The following ZNF423 variants were observed in gnomAD, a reference collection of about 807,000 sequenced individuals.
ZNF423 encodes the protein zinc finger protein 423.
A neutral mutation model predicts 95.8 loss-of-function variants in ZNF423; 12 were observed. The observed-to-expected ratio is 0.13, with a 90% CI of 0.08 to 0.20. ZNF423 has a LOEUF of 0.20. Ranked by LOEUF, ZNF423 falls within the 10% of genes least tolerant of loss-of-function variation. ZNF423 has a pLI of 1.00. For missense variants in ZNF423, 1,316 were observed against 1,737.1 expected (o/e 0.76, Z 4.31); for synonymous variants, 749 against 711.9 (o/e 1.05, Z -0.83).
chr16:49,537,955 A>G (rs1176910993), intron 5 of ZNF423, among the ~76,000 whole-genome samples: 2 of 152,028 alleles, frequency 1.3e-5, no homozygotes, highest in African/African-American at 4.8e-5. Flanking sequence ...GGCGGCTTAG[A>G]CCCCATTGCC....
intron 3 of ZNF423, among the ~76,000 whole-genome samples, chr16:49,728,832 A>G (rs2033092229): frequency 6.6e-6 from 1 of 152,178 alleles, no homozygotes; most frequent in African/African-American, 2.4e-5. Flanking sequence ...TCCCGGGTTC[A>G]AGCGATTCTT....
At chr16:49,771,493 C>T (rs551547986) in intron 2 of ZNF423, among the ~76,000 whole-genome samples, 189 of 152,290 alleles carry the variant, frequency 1.2e-3, no homozygotes, top group African/African-American at 4.5e-3. Flanking sequence ...GCATGAGCCA[C>T]CAAGTACAGC....
At position 49,492,340 on chromosome 16, in the gene ZNF423, C is replaced by G. The variant is rs951762124; in HGVS notation, c.3850-1036G>C. On this transcript the variant is annotated intron_variant, in intron 7 of 7. Coordinates refer to ENST00000563137, the MANE Select transcript of ZNF423 (RefSeq NM_001379286.1). This position sits in a 1 kb window ranked among gnomAD's most constrained non-coding sequence, Gnocchi z 4.2. Reference sequence around the variant, plus strand: ...CCCCGGGAGAGGCTCCTTCTGGGCGCCCCCCAGGGCCCGGCGACTCCTGCA... The same window carrying G: ...CCCCGGGAGAGGCTCCTTCTGGGCGGCCCCCAGGGCCCGGCGACTCCTGCA... Among the ~76,000 whole-genome samples the G allele has an allele frequency of 6.6e-6, 1 of 152,294 alleles. No individual in the cohort carries two copies. The highest frequency in any genetic ancestry group is 1.9e-4 in the East Asian group (1 of 5,164).
At chr16:49,742,946 G>T (rs1387126119) in intron 2 of ZNF423, among the ~76,000 whole-genome samples, 7 of 152,140 alleles carry the variant, frequency 4.6e-5, no homozygotes, top group African/African-American at 1.7e-4. Flanking sequence ...GAGCCCAGGG[G>T]CCAGGCATCA....
At chr16:49,684,926 T>G (rs190987564) in intron 3 of ZNF423, among the ~76,000 whole-genome samples, 1 of 152,284 alleles carries the variant, frequency 6.6e-6, no homozygotes, top group African/African-American at 2.4e-5. Context: ...CCACGCAATC[T>G]AGACAGCGGG....
rs1972782858 is a variant in ZNF423, at chr16:49,637,627, T to G, written c.1549A>C (p.Asn517His). 1 of 1,613,864 alleles carries G rather than the reference T, an allele frequency of 6.2e-7. No homozygotes were observed. The highest frequency in any genetic ancestry group is 1.7e-5 in the Admixed American group (1 of 60,004). Residue 517 changes from asparagine (N) to histidine (H), a missense_variant, in exon 4 of 8, where the codon AAC (asparagine) becomes CAC (histidine). Around this residue, in one of 6 missense-constraint regions of ZNF423, gnomAD observed 399 missense variants for 478.5 expected, o/e 0.83. Transcript: ENST00000563137. This position sits in a 1 kb window ranked among gnomAD's most constrained non-coding sequence, Gnocchi z 5.6. ...AAAGCATTATTACCGTCAGAGGGGTTGGCGTTGGGGCCGCAGTGGGAGACG... is the reference window on the plus strand; with the variant it reads ...AAAGCATTATTACCGTCAGAGGGGTGGGCGTTGGGGCCGCAGTGGGAGACG... ...IRVSHCGPNA[N>H]PSDGNNAFFC...
At chr16:49,646,734 C>T (rs11076492) in intron 3 of ZNF423, among the ~76,000 whole-genome samples, 78,858 of 151,616 alleles carry the variant, frequency 0.52, 21,387 homozygotes, top group South Asian at 0.67. Context: ...CCACCACACC[C>T]GGCTAATATT....
intron 1 of ZNF423, among the ~76,000 whole-genome samples, chr16:49,814,029 T>C (rs190952588): frequency 6.6e-6 from 1 of 152,208 alleles, no homozygotes; most frequent in Non-Finnish European, 1.5e-5. Flanking sequence ...CTCCCACTTT[T>C]TACTCCTGGA....
intron 7 of ZNF423, chr16:49,518,372 C>A: frequency 2.3e-6 from 1 of 433,524 alleles, no homozygotes; most frequent in South Asian, 1.7e-5. Context: ...ATAAAAATGA[C>A]AACGGGAACC....
chr16:49,562,107 T>G (rs1970035188), intron 5 of ZNF423, among the ~76,000 whole-genome samples: 1 of 152,194 alleles, frequency 6.6e-6, no homozygotes, highest in Admixed American at 6.5e-5. Flanking sequence ...TCACAAAAGG[T>G]AACATCCCTA....
intron 5 of ZNF423, among the ~76,000 whole-genome samples, chr16:49,585,408 C>A (rs915648394): frequency 1.1e-4 from 17 of 152,176 alleles, no homozygotes; most frequent in African/African-American, 3.9e-4. Flanking sequence ...GACCCCCCAC[C>A]CCCACACCCA....
chr16:49,794,151 T>C (rs1272608742), intron 1 of ZNF423, among the ~76,000 whole-genome samples: 1 of 151,992 alleles, frequency 6.6e-6, no homozygotes, highest in Non-Finnish European at 1.5e-5. Context: ...TTCTCCTGCC[T>C]CAGCCTCCCG....
chr16:49,648,406 C>T (rs1344296267), intron 3 of ZNF423, among the ~76,000 whole-genome samples: 1 of 151,056 alleles, frequency 6.6e-6, no homozygotes, highest in Non-Finnish European at 1.5e-5. Flanking sequence ...CTTTGGGAGG[C>T]TGAGGCAGGC....
Position 49,491,269 on chromosome 16 carries a change from G to A in ZNF423, c.*6C>T, listed in dbSNP as rs1311856147. 5.6e-6 allele frequency: 9 copies of A among 1,614,100 alleles called. No homozygotes were observed. The highest frequency in any genetic ancestry group is 1.3e-5 in the African/African-American group (1 of 75,060). On this transcript the variant is annotated 3_prime_UTR_variant, in exon 8 of 8. Coordinates refer to ENST00000563137, the MANE Select transcript of ZNF423 (RefSeq NM_001379286.1). Reference sequence around the variant, plus strand: ...TCTGCGGAGAGGTGTCCTGTTGAGCGATCCCTCACTGTGCGTGCTGGCTCA... The same window carrying A: ...TCTGCGGAGAGGTGTCCTGTTGAGCAATCCCTCACTGTGCGTGCTGGCTCA...
At chr16:49,798,405 G>A (rs1567348310) in intron 1 of ZNF423, among the ~76,000 whole-genome samples, 1 of 152,112 alleles carries the variant, frequency 6.6e-6, no homozygotes. Flanking sequence ...CTACTCAGAA[G>A]GCTGAGGCAC....
intron 3 of ZNF423, among the ~76,000 whole-genome samples, chr16:49,719,414 G>A (rs181016745): frequency 5.5e-4 from 84 of 152,330 alleles, no homozygotes; most frequent in African/African-American, 1.9e-3. Flanking sequence ...TTTAGAATAC[G>A]TAGCTGCATC....
intron 3 of ZNF423, among the ~76,000 whole-genome samples, chr16:49,646,032 G>A (rs995830060): frequency 1.3e-5 from 2 of 152,188 alleles, no homozygotes; most frequent in Non-Finnish European, 2.9e-5. Flanking sequence ...GCATGAGAAT[G>A]AACTAATATA....
At chr16:49,502,570 T>C (rs1031964280) in intron 7 of ZNF423, among the ~76,000 whole-genome samples, 2 of 151,610 alleles carry the variant, frequency 1.3e-5, no homozygotes, top group East Asian at 2.0e-4. Flanking sequence ...CATGACCGCA[T>C]TCAAAAATCT....
At chr16:49,686,927 T>G (rs760369270) in intron 3 of ZNF423, among the ~76,000 whole-genome samples, 2 of 151,912 alleles carry the variant, frequency 1.3e-5, no homozygotes, top group Non-Finnish European at 2.9e-5. Context: ...CCACCTTGGA[T>G]CGCATGTTCC....
Sources: allele counts gnomAD v4.1 joint callset (sites outside exome capture counted in the v4.1 genomes callset), GRCh38; gene constraint gnomAD v4.1.1; regional missense constraint gnomAD v4.1.1; non-coding constraint Gnocchi (gnomAD v3.1); transcripts MANE v1.5; gene names NCBI Gene and HGNC (gene_info 2026-07-23, HGNC 2026-07-21).